SORCS1: variants seen among roughly 807,000 people sequenced by gnomAD.
SORCS1 encodes the protein VPS10 domain-containing receptor SorCS1.
In SORCS1, 60 loss-of-function variants were observed where a neutral mutation model predicts 146.1. The ratio of observed to expected loss-of-function variants is 0.41; its 90% CI spans 0.33 to 0.51. The LOEUF (loss-of-function observed/expected upper bound fraction) is 0.51, where lower values mean the gene tolerates loss of function less well. SORCS1 is among the 20% of genes least tolerant of loss of function. The pLI is 0.21. For missense variants in SORCS1, 1,352 were observed against 1,487.6 expected, an observed-to-expected ratio of 0.91 and a Z score of 1.50; for synonymous variants, 637 against 584.0, an observed-to-expected ratio of 1.09 and a Z score of -1.31.
At chr10:106,624,647 C>G (rs1847977884) in intron 19 of SORCS1, among the ~76,000 whole-genome samples, 1 of 152,106 alleles carries the variant, frequency 6.6e-6, no homozygotes, top group Non-Finnish European at 1.5e-5. Context: ...AGGCATGAGC[C>G]ACCATGCCGG....
intron 23 of SORCS1, 95 bp downstream of exon 23, chr10:106,607,071 G>C (rs1398935312): frequency 6.6e-7 from 1 of 1,504,718 alleles, no homozygotes; most frequent in Non-Finnish European, 9.0e-7. Context: ...CTGTAGTTAG[G>C]ATCACCAGTT....
chr10:106,700,680 C>G (rs1294229654), intron 8 of SORCS1, among the ~76,000 whole-genome samples: 2 of 152,160 alleles, frequency 1.3e-5, no homozygotes, highest in African/African-American at 4.8e-5. Context: ...CTCAATCAAG[C>G]AGCATTTCAG....
At chr10:106,640,073 C>T (rs904289816) in intron 18 of SORCS1, among the ~76,000 whole-genome samples, 1 of 152,002 alleles carries the variant, frequency 6.6e-6, no homozygotes, top group Non-Finnish European at 1.5e-5. Flanking sequence ...GTTTATTAAC[C>T]CTTTGTGCCA....
intron 1 of SORCS1, among the ~76,000 whole-genome samples, chr10:107,043,800 C>T (rs1220387113): frequency 6.6e-6 from 1 of 152,154 alleles, no homozygotes; most frequent in Non-Finnish European, 1.5e-5. Flanking sequence ...ATGATTAATG[C>T]CTGTCTACCC....
At chr10:106,887,926 C>T (rs1348978944) in intron 2 of SORCS1, among the ~76,000 whole-genome samples, 1 of 152,172 alleles carries the variant, frequency 6.6e-6, no homozygotes, top group African/African-American at 2.4e-5. Flanking sequence ...GTAGACAAAG[C>T]TGCAAACTGC....
chr10:106,914,921 GT>G (rs2138300700), intron 2 of SORCS1, among the ~76,000 whole-genome samples: 2 of 152,234 alleles, frequency 1.3e-5, no homozygotes, highest in Admixed American at 1.3e-4. Context: ...TCCTTGCTCA[GT>G]TTCCAATCAG....
intron 1 of SORCS1, among the ~76,000 whole-genome samples, chr10:107,140,749 C>T (rs1334388414): frequency 6.6e-6 from 1 of 152,204 alleles, no homozygotes; most frequent in Non-Finnish European, 1.5e-5. Flanking sequence ...CAACATATAA[C>T]ACACATGGTA....
At chr10:106,671,086 T>C (rs1851561715) in intron 16 of SORCS1, 151 bp downstream of exon 16, 1 of 994,202 alleles carries the variant, frequency 1.0e-6, no homozygotes, top group Admixed American at 2.6e-5. Context: ...CACATACACA[T>C]AGCTAGTAAA....
intron 2 of SORCS1, among the ~76,000 whole-genome samples, chr10:106,838,932 A>AC (rs755391319): frequency 7.2e-5 from 11 of 152,186 alleles, no homozygotes; most frequent in Non-Finnish European, 1.5e-4. Context: ...GGTGCCCTGA[A>AC]CCATGCCCAT....
At chr10:106,693,414 C>G (rs1853447355) in intron 9 of SORCS1, among the ~76,000 whole-genome samples, 1 of 152,204 alleles carries the variant, frequency 6.6e-6, no homozygotes, top group Non-Finnish European at 1.5e-5. Context: ...GCTGTACTGT[C>G]TCTTCGAACT....
chr10:106,687,984 C>G (rs1053487273), intron 10 of SORCS1, among the ~76,000 whole-genome samples: 1 of 152,196 alleles, frequency 6.6e-6, no homozygotes, highest in African/African-American at 2.4e-5. Context: ...TGGAAGGGCA[C>G]AAGAAATATG....
chr10:106,850,380 C>G (rs987489845), intron 2 of SORCS1, among the ~76,000 whole-genome samples: 3 of 151,668 alleles, frequency 2.0e-5, no homozygotes, highest in East Asian at 1.9e-4. Context: ...TTCTTTGACT[C>G]GGAAAGGGAA....
At chr10:106,987,630 C>T (rs913507660) in intron 1 of SORCS1, among the ~76,000 whole-genome samples, 2 of 152,182 alleles carry the variant, frequency 1.3e-5, no homozygotes, top group African/African-American at 4.8e-5. Flanking sequence ...TACTGAGGTT[C>T]TCCTCTTTCA....
intron 1 of SORCS1, among the ~76,000 whole-genome samples, chr10:107,018,872 T>G (rs1398494446): frequency 6.6e-6 from 1 of 152,224 alleles, no homozygotes; most frequent in Non-Finnish European, 1.5e-5. Flanking sequence ...GAAAGAACGT[T>G]TTTAAAACTG....
chr10:106,575,297 C>T lies in SORCS1; in HGVS notation c.*2123G>A, dbSNP rs1844529380. The T allele has an allele frequency of 6.6e-6, 1 of 152,452 alleles. No homozygotes were observed. The highest frequency in any genetic ancestry group is 2.1e-4 in the South Asian group (1 of 4,830). The allele number at this position is 152,452 out of a possible 1,614,324, so 9.4% of individuals were successfully genotyped here. ...ATGGGGTATCCTCAACCATAAACATCTCTGCCTGACAAACTTCTGACAGCA... is the reference window on the plus strand; with the variant it reads ...ATGGGGTATCCTCAACCATAAACATTTCTGCCTGACAAACTTCTGACAGCA... On this transcript the variant is annotated 3_prime_UTR_variant, in exon 26 of 26. Transcript: ENST00000263054.
chr10:106,749,411 T>A (rs1039018168), intron 5 of SORCS1, among the ~76,000 whole-genome samples: 1 of 152,180 alleles, frequency 6.6e-6, no homozygotes. Context: ...AGGGAAAATA[T>A]CCTTCCATAT....
intron 1 of SORCS1, among the ~76,000 whole-genome samples, chr10:107,136,130 G>C (rs888984165): frequency 3.3e-5 from 5 of 151,954 alleles, no homozygotes; most frequent in African/African-American, 1.2e-4. Context: ...AAAAAAAATT[G>C]GGGAAGAAAA....
intron 3 of SORCS1, among the ~76,000 whole-genome samples, chr10:106,820,084 C>G (rs1947936730): frequency 6.6e-6 from 1 of 152,084 alleles, no homozygotes; most frequent in African/African-American, 2.4e-5. Flanking sequence ...CAGATATTTT[C>G]TTTTTACATA....
chr10:107,162,807 T>G (rs978468086), intron 1 of SORCS1, among the ~76,000 whole-genome samples: 1 of 152,220 alleles, frequency 6.6e-6, no homozygotes, highest in African/African-American at 2.4e-5. Context: ...AGAAAACGTT[T>G]TGAAAGGTTC....
Sources: allele counts gnomAD v4.1 joint callset (sites outside exome capture counted in the v4.1 genomes callset), GRCh38; gene constraint gnomAD v4.1.1; transcripts MANE v1.5; gene names NCBI Gene and HGNC (gene_info 2026-07-23, HGNC 2026-07-21).